The following DPP6 variants were observed in gnomAD, a reference collection of about 807,000 sequenced individuals.
DPP6 encodes the protein dipeptidyl peptidase like 6, also known as A-type potassium channel modulatory protein DPP6.
Under a neutral mutation model 122.6 loss-of-function variants are expected in DPP6, and 69 were observed. The ratio of observed to expected loss-of-function variants is 0.56; its 90% CI spans 0.46 to 0.69. The LOEUF is 0.69. Among genes scored for constraint, DPP6 ranks in the 30% least tolerant of loss-of-function variants. The probability of loss-of-function intolerance (pLI) is 0.00; values close to 1 mark genes in which losing one functional copy is unlikely to be tolerated. For missense variants in DPP6, 928 were observed against 1,116.9 expected (o/e 0.83, Z 2.41); for synonymous variants, 418 against 433.1 (o/e 0.97, Z 0.43).
chr7:154,009,767 C>A (rs1407464664), intron 1 of DPP6, among the ~76,000 whole-genome samples: 15 of 151,288 alleles, frequency 9.9e-5, no homozygotes, highest in Non-Finnish European at 1.5e-4. Context: ...CTGCCACTTT[C>A]TCACCCCACA....
intron 3 of DPP6, among the ~76,000 whole-genome samples, chr7:154,539,905 A>G (rs529028159): frequency 6.6e-6 from 1 of 152,082 alleles, no homozygotes; most frequent in South Asian, 2.1e-4. Context: ...ACACCCTTTC[A>G]TTCATAGGAG....
intron 18 of DPP6, 72 bp from the exon 19 acceptor site, chr7:154,872,552 A>G: frequency 8.5e-6 from 13 of 1,532,718 alleles, no homozygotes; most frequent in Non-Finnish European, 1.1e-5. Context: ...CCCCACGGTC[A>G]CCCAAGGGCA....
At position 154,801,389 on chromosome 7, in the gene DPP6, A is replaced by G. The variant is rs774825660; in HGVS notation, c.1334A>G (p.Lys445Arg). 1.3e-6 allele frequency: 2 copies of G among 1,597,084 alleles called. No individual in the cohort carries two copies. The highest frequency in any genetic ancestry group is 1.7e-6 in the Non-Finnish European group (2 of 1,171,120). Residue 445 changes from lysine to arginine, a missense_variant, in exon 13 of 26, where the codon AAG (lysine) becomes AGG (arginine). Lys to Arg is a conservative substitution (Grantham distance 26). Transcript: ENST00000377770. ...CCTGTGTTCTCCAAGGATGGCCGAA[A>G]GTTTTTCTTCATCAGAGCCATCCCC... The part of the protein sequence containing the change: ...EEPVFSKDGR[K>R]FFFIRAIPQG...
intron 1 of DPP6, among the ~76,000 whole-genome samples, chr7:154,030,233 A>G (rs1799159813): frequency 6.6e-6 from 1 of 152,132 alleles, no homozygotes; most frequent in Non-Finnish European, 1.5e-5. Context: ...GCCCCTGGCT[A>G]TTTCTCTGCC....
chr7:154,263,189 G>A (rs1449782288), intron 1 of DPP6, among the ~76,000 whole-genome samples: 2 of 152,132 alleles, frequency 1.3e-5, no homozygotes, highest in Admixed American at 6.6e-5. Context: ...TATTACAGGA[G>A]AAAACAGATT....
Position 154,213,991 on chromosome 7 carries a change from C to T in DPP6, c.243+160928C>T, listed in dbSNP as rs1426442161. On this transcript the variant is annotated intron_variant, in intron 1 of 25. Coordinates refer to ENST00000377770, the MANE Select transcript of DPP6 (RefSeq NM_130797.4). ...TGGGAAGATGGTCTTTGAGAGTTAT[C>T]GACTTCCTCCTTTTCCAGCAACGAC... Among the ~76,000 whole-genome samples the T allele has an allele frequency of 3.3e-5, 5 of 152,294 alleles. No homozygotes were observed. In the South Asian group the frequency reaches 6.2e-4, roughly 19 times the overall value.
intron 1 of DPP6, chr7:154,305,335 T>TGGGGGC: frequency 6.2e-5 from 63 of 1,024,386 alleles, no homozygotes; most frequent in South Asian, 9.1e-5. Context: ...TCGTCTTGTC[T>TGGGGGC]ACCCACCCTC....
chr7:154,507,541 T>G (rs1234171489), intron 3 of DPP6, among the ~76,000 whole-genome samples: 2 of 152,090 alleles, frequency 1.3e-5, no homozygotes, highest in African/African-American at 4.8e-5. Flanking sequence ...TTTGGAGAGG[T>G]GATTTGAAAA....
At chr7:154,678,277 C>G (rs138603823) in intron 7 of DPP6, among the ~76,000 whole-genome samples, 5 of 152,348 alleles carry the variant, frequency 3.3e-5, no homozygotes, top group Admixed American at 6.5e-5. Flanking sequence ...CACGTGGAAG[C>G]TGTGTTCTTT....
chr7:154,588,101 T>C (rs1400422616), intron 5 of DPP6: 6 of 1,592,730 alleles, frequency 3.8e-6, no homozygotes, highest in Non-Finnish European at 5.1e-6. Context: ...CAGCCTCTGC[T>C]GCCAGCACAG....
chr7:154,587,988 A>T, intron 5 of DPP6: 1 of 1,612,914 alleles, frequency 6.2e-7, no homozygotes, highest in Non-Finnish European at 8.5e-7. Flanking sequence ...GTCCATTGTC[A>T]TACGAGTGTG....
intron 1 of DPP6, among the ~76,000 whole-genome samples, chr7:154,102,431 C>T (rs1361188334): frequency 3.3e-5 from 5 of 152,224 alleles, no homozygotes; most frequent in Admixed American, 2.0e-4. Flanking sequence ...TCAGGTAATC[C>T]GCCCGCCTCA....
intron 1 of DPP6, among the ~76,000 whole-genome samples, chr7:154,024,830 G>A (rs1411838090): frequency 6.6e-6 from 1 of 152,218 alleles, no homozygotes; most frequent in Non-Finnish European, 1.5e-5. Flanking sequence ...AGGTACCACA[G>A]TCTGTGTAAG....
intron 7 of DPP6, among the ~76,000 whole-genome samples, chr7:154,686,483 G>A (rs73494091): frequency 0.024 from 3,610 of 150,856 alleles, 144 homozygotes; most frequent in African/African-American, 0.081. Flanking sequence ...TAATTAATCC[G>A]ACACCCTTAT....
At chr7:154,498,872 CCT>C (rs1362961761) in intron 3 of DPP6, among the ~76,000 whole-genome samples, 1 of 152,136 alleles carries the variant, frequency 6.6e-6, no homozygotes, top group East Asian at 1.9e-4. Context: ...CCAAATGTCC[CCT>C]GAGAGGGCAA....
At chr7:154,756,318 G>A (rs1843665778) in intron 8 of DPP6, among the ~76,000 whole-genome samples, 1 of 152,118 alleles carries the variant, frequency 6.6e-6, no homozygotes, top group Non-Finnish European at 1.5e-5. Flanking sequence ...GGCTTCCTCT[G>A]CTCCCTCAGT....
chr7:154,435,203 G>A (rs1586262416), intron 1 of DPP6, among the ~76,000 whole-genome samples: 1 of 151,978 alleles, frequency 6.6e-6, no homozygotes, highest in Non-Finnish European at 1.5e-5. Context: ...AGTGGCAGAG[G>A]GACATTGAAA....
chr7:154,035,206 G>A (rs1335782635), intron 1 of DPP6, among the ~76,000 whole-genome samples: 1 of 152,216 alleles, frequency 6.6e-6, no homozygotes, highest in Non-Finnish European at 1.5e-5. Context: ...CAGTGGACAA[G>A]GTATCCTTAC....
the DPP6 span, among the ~76,000 whole-genome samples, chr7:153,810,981 A>C: frequency 6.6e-6 from 1 of 152,004 alleles, no homozygotes; most frequent in Non-Finnish European, 1.5e-5. Flanking sequence ...CCTATGCTTT[A>C]ACCAGTACTG....
Sources: gnomAD v4.1 joint callset for allele counts (sites outside exome capture counted in the v4.1 genomes callset) on GRCh38, gnomAD v4.1.1 for gene constraint, MANE v1.5 for transcripts, NCBI Gene and HGNC (gene_info 2026-07-23, HGNC 2026-07-21) for gene names.